Variants in LHFPL2 observed in about 807,000 individuals in gnomAD.
LHFPL2 encodes LHFPL tetraspan subfamily member 2.
In LHFPL2, 7 loss-of-function variants were observed where a neutral mutation model predicts 17.5. The observed-to-expected ratio is 0.40, with a 90% confidence interval of 0.23 to 0.75. LHFPL2 has a LOEUF of 0.75. Among genes scored for constraint, LHFPL2 ranks in the 30% least tolerant of loss-of-function variants. LHFPL2 has a pLI of 0.37. For synonymous variants in LHFPL2, 134 were observed against 116.2 expected (o/e 1.15, Z -0.99); for missense variants, 241 against 294.8 (o/e 0.82, Z 1.34).
chr5:78,615,168 C>T (rs1441145785), intron 2 of LHFPL2, among the ~76,000 whole-genome samples: 1 of 152,156 alleles, frequency 6.6e-6, no homozygotes, highest in African/African-American at 2.4e-5. Context: ...GCAAACCAAT[C>T]CCCCTCCCAC....
At chr5:78,642,811 T>C (rs1439038485) in intron 1 of LHFPL2, among the ~76,000 whole-genome samples, 1 of 152,112 alleles carries the variant, frequency 6.6e-6, no homozygotes, top group Non-Finnish European at 1.5e-5. Context: ...CACAACTGCT[T>C]ACCTCAATGA....
At chr5:78,494,566 T>A in intron 4 of LHFPL2, 11 of 969,438 alleles carry the variant, frequency 1.1e-5, no homozygotes, top group Non-Finnish European at 1.3e-5. Context: ...AAGCTGATGG[T>A]CAGTCACTTG....
chr5:78,545,084 T>G (rs1756231156), intron 3 of LHFPL2, among the ~76,000 whole-genome samples: 1 of 152,182 alleles, frequency 6.6e-6, no homozygotes, highest in Non-Finnish European at 1.5e-5. Flanking sequence ...TTGAGACAGA[T>G]GTTTTGGAAA....
At chr5:78,544,924 C>G (rs1427059507) in intron 3 of LHFPL2, among the ~76,000 whole-genome samples, 1 of 152,108 alleles carries the variant, frequency 6.6e-6, no homozygotes, top group African/African-American at 2.4e-5. Context: ...AAAAAATTCC[C>G]TAACCAAAAT....
chr5:78,510,116 C>T lies in LHFPL2; in HGVS notation c.98G>A (p.Trp33Ter), dbSNP rs753796870. ...GCGGCTCCTCGCTTTCCCGATCAGCCAGTCTGCACTCATGAAGGCAATGAG... is the reference window on the plus strand; with the variant it reads ...GCGGCTCCTCGCTTTCCCGATCAGCTAGTCTGCACTCATGAAGGCAATGAG... The part of the protein sequence containing the change: ...AELIAFMSAD[W>*]LIGKARSRGG... The change falls in exon 4 of 5, where the codon TGG becomes TAG. Residue 33 changes from tryptophan (W) to a stop codon, truncating the protein, a stop_gained. Transcript: ENST00000380345. LOFTEE classifies it high-confidence loss of function. The T allele has an allele frequency of 1.2e-6, 2 of 1,613,346 alleles. No homozygotes were observed. Among genetic ancestry groups the T allele is most frequent in the Non-Finnish European group, 1.7e-6 (2 of 1,179,586 alleles).
At chr5:78,625,912 T>C (rs1270568891) in intron 2 of LHFPL2, 1 of 152,276 alleles carries the variant, frequency 6.6e-6, no homozygotes, top group African/African-American at 2.4e-5. Context: ...TTCTCCACTC[T>C]CTGCATTGGC....
At chr5:78,623,581 A>C (rs1487733457) in intron 2 of LHFPL2, among the ~76,000 whole-genome samples, 1 of 152,150 alleles carries the variant, frequency 6.6e-6, no homozygotes, top group Non-Finnish European at 1.5e-5. Context: ...TTCTGCACTA[A>C]AGAGTGTGCA....
At chr5:78,497,678 A>G (rs1311126027) in intron 4 of LHFPL2, among the ~76,000 whole-genome samples, 1 of 152,230 alleles carries the variant, frequency 6.6e-6, no homozygotes, top group African/African-American at 2.4e-5. Context: ...AGTTTTTGAA[A>G]TGGTTGGAGG....
intron 2 of LHFPL2, among the ~76,000 whole-genome samples, chr5:78,616,319 G>A (rs1167698107): frequency 6.6e-6 from 1 of 152,064 alleles, no homozygotes; most frequent in Non-Finnish European, 1.5e-5. Context: ...AGTAGAGACG[G>A]GGTTTCACCG....
chr5:78,549,487 G>C (rs936127758), intron 3 of LHFPL2, among the ~76,000 whole-genome samples: 2 of 152,216 alleles, frequency 1.3e-5, no homozygotes, highest in African/African-American at 2.4e-5. Flanking sequence ...AGAGTTATAG[G>C]AGTTCTGGGG....
intron 2 of LHFPL2, among the ~76,000 whole-genome samples, chr5:78,575,424 C>G (rs1310240296): frequency 1.3e-5 from 2 of 152,110 alleles, no homozygotes; most frequent in Non-Finnish European, 2.9e-5. Context: ...TGGCACGCAC[C>G]TGTAGTCCCA....
intron 4 of LHFPL2, among the ~76,000 whole-genome samples, chr5:78,503,573 C>G (rs2112310005): frequency 6.6e-6 from 1 of 152,284 alleles, no homozygotes; most frequent in Middle Eastern, 3.4e-3. Context: ...TGGCAGGTGC[C>G]TGTAATCCCA....
At chr5:78,611,355 G>T (rs1374438179) in intron 2 of LHFPL2, among the ~76,000 whole-genome samples, 1 of 152,182 alleles carries the variant, frequency 6.6e-6, no homozygotes. Context: ...TTTGAACTCT[G>T]TCCATTGTCA....
chr5:78,507,342 G>GA (rs1561310887), intron 4 of LHFPL2, among the ~76,000 whole-genome samples: 1 of 149,578 alleles, frequency 6.7e-6, no homozygotes, highest in Non-Finnish European at 1.5e-5. Context: ...AAAAAAAAAA[G>GA]AAAAGAAAAA....
At chr5:78,598,565 TAAAC>T (rs1370733750) in intron 2 of LHFPL2, among the ~76,000 whole-genome samples, 2 of 152,250 alleles carry the variant, frequency 1.3e-5, no homozygotes, top group African/African-American at 4.8e-5. Context: ...ATGTAACTCT[TAAAC>T]AAAACTGTTA....
At chr5:78,643,977 G>A (rs1308266671) in intron 1 of LHFPL2, among the ~76,000 whole-genome samples, 5 of 152,154 alleles carry the variant, frequency 3.3e-5, no homozygotes, top group African/African-American at 7.2e-5. Flanking sequence ...TGGGAGAATC[G>A]CTTGAACCCA....
intron 2 of LHFPL2, among the ~76,000 whole-genome samples, chr5:78,591,787 GA>G (rs1293585623): frequency 2.0e-5 from 3 of 152,218 alleles, no homozygotes; most frequent in African/African-American, 7.2e-5. Context: ...GGGGGCTGCA[GA>G]AACAGAAAGG....
At chr5:78,606,617 T>C (rs767825953) in intron 2 of LHFPL2, among the ~76,000 whole-genome samples, 1 of 152,220 alleles carries the variant, frequency 6.6e-6, no homozygotes, top group Non-Finnish European at 1.5e-5. Context: ...ATGTGAATTA[T>C]CACATAGTAG....
At chr5:78,565,187 G>A (rs1053353079) in intron 2 of LHFPL2, among the ~76,000 whole-genome samples, 6 of 152,134 alleles carry the variant, frequency 3.9e-5, no homozygotes, top group Admixed American at 1.3e-4. Context: ...ACTTGTGTCC[G>A]GGAGGACACT....
Sources: allele counts gnomAD v4.1 joint callset (sites outside exome capture counted in the v4.1 genomes callset), GRCh38; gene constraint gnomAD v4.1.1; transcripts MANE v1.5; gene names NCBI Gene and HGNC (gene_info 2026-07-23, HGNC 2026-07-21).